The following CPED1 variants were observed in gnomAD, a reference collection of about 807,000 sequenced individuals.
The protein encoded by CPED1 is cadherin like and PC-esterase domain containing 1.
In CPED1, 114 loss-of-function variants were observed where a neutral mutation model predicts 128.2. The observed-to-expected ratio is 0.89, with a 90% CI of 0.76 to 1.04. CPED1 has a LOEUF of 1.04. Ranked by LOEUF, CPED1 falls within the 50% of genes least tolerant of loss-of-function variation. The pLI, the probability that CPED1 is intolerant of heterozygous loss-of-function variation, is 0.00. For synonymous variants in CPED1, 462 were observed against 426.7 expected (o/e 1.08, Z -1.02); for missense variants, 1,211 against 1,207.1 (o/e 1.00, Z -0.05).
chr7:121,101,405 T>C (rs901487767), intron 7 of CPED1, among the ~76,000 whole-genome samples: 2 of 152,194 alleles, frequency 1.3e-5, no homozygotes, highest in African/African-American at 4.8e-5. Flanking sequence ...TTTGTTTTCA[T>C]GATTTCTTGA....
chr7:121,157,334 C>CGG (rs1563049126), intron 16 of CPED1, among the ~76,000 whole-genome samples: 1 of 152,060 alleles, frequency 6.6e-6, no homozygotes, highest in Non-Finnish European at 1.5e-5. Flanking sequence ...AATATAGTGA[C>CGG]GGGGGCAGTC....
At chr7:121,115,938 A>G (rs1347150229) in intron 7 of CPED1, among the ~76,000 whole-genome samples, 1 of 152,214 alleles carries the variant, frequency 6.6e-6, no homozygotes, top group East Asian at 1.9e-4. Flanking sequence ...CTGCTCCTTT[A>G]TATCCCACTG....
chr7:120,993,713 G>T (rs2116732373), intron 2 of CPED1, among the ~76,000 whole-genome samples: 1 of 152,298 alleles, frequency 6.6e-6, no homozygotes, highest in South Asian at 2.1e-4. Flanking sequence ...CAAGAGTGAG[G>T]AAAGAACAGA....
intron 16 of CPED1, among the ~76,000 whole-genome samples, chr7:121,177,910 T>C (rs550212510): frequency 1.1e-4 from 17 of 152,204 alleles, no homozygotes; most frequent in Admixed American, 6.6e-5. Context: ...ATAATCTGGA[T>C]TCTTCCCTAC....
chr7:121,017,034 G>A (rs189051728), intron 3 of CPED1, among the ~76,000 whole-genome samples: 1 of 152,156 alleles, frequency 6.6e-6, no homozygotes. Flanking sequence ...GAAGGTTGGG[G>A]GACTATTTAG....
intron 18 of CPED1, among the ~76,000 whole-genome samples, chr7:121,253,651 T>C (rs1420300745): frequency 6.6e-6 from 1 of 151,926 alleles, no homozygotes; most frequent in Non-Finnish European, 1.5e-5. Flanking sequence ...GGTAAAAAGA[T>C]AAGACTCAAC....
intron 7 of CPED1, among the ~76,000 whole-genome samples, chr7:121,107,374 G>C (rs1209516846): frequency 6.6e-6 from 1 of 152,068 alleles, no homozygotes; most frequent in Non-Finnish European, 1.5e-5. Context: ...CAAAAACCAA[G>C]AGGAAAAATC....
rs1447287592 is a variant in CPED1 at position 121,097,728 on chromosome 7, T to A, written c.646T>A (p.Cys216Ser). The change falls in exon 6 of 23, where the codon TGT (cysteine) becomes AGT (serine). Residue 216 changes from cysteine (C) to serine (S), a missense_variant. Cys to Ser is a moderately radical substitution (Grantham distance 112). Coordinates refer to ENST00000310396, the MANE Select transcript of CPED1 (RefSeq NM_024913.5). ...ELQLPVSPSVCLDQGMQLKPS... is the reference protein window; with the variant it reads ...ELQLPVSPSVSLDQGMQLKPS... ...GCAACTTCCAGTGAGTCCCTCTGTG[T>A]GTCTGGATCAGGGAATGCAATTAAA... The A allele has an allele frequency of 1.9e-5, 31 of 1,613,706 alleles. No individual in the cohort carries two copies. Among genetic ancestry groups the A allele is most frequent in the Non-Finnish European group, 2.5e-5 (30 of 1,179,790 alleles).
chr7:121,109,427 G>A (rs986848315), intron 7 of CPED1, among the ~76,000 whole-genome samples: 2 of 152,088 alleles, frequency 1.3e-5, no homozygotes, highest in Non-Finnish European at 2.9e-5. Flanking sequence ...TTAGAAGCTC[G>A]ATGAAGCAAG....
chr7:121,009,742 G>C (rs1245889681), intron 2 of CPED1, among the ~76,000 whole-genome samples: 2 of 152,134 alleles, frequency 1.3e-5, no homozygotes, highest in African/African-American at 2.4e-5. Flanking sequence ...TATAATTTCA[G>C]GGGAGGGGCT....
chr7:121,144,538 T>C (rs1563044080), intron 16 of CPED1, among the ~76,000 whole-genome samples: 1 of 151,818 alleles, frequency 6.6e-6, no homozygotes, highest in African/African-American at 2.4e-5. Context: ...AGTAGGGCAG[T>C]GGAGAGGCTG....
intron 5 of CPED1, among the ~76,000 whole-genome samples, chr7:121,075,517 G>C (rs1474591493): frequency 6.6e-6 from 1 of 151,956 alleles, no homozygotes; most frequent in Non-Finnish European, 1.5e-5. Flanking sequence ...ACCCAGGCTG[G>C]AGTGCAGTGG....
intron 7 of CPED1, among the ~76,000 whole-genome samples, chr7:121,119,195 ACT>A (rs1432864141): frequency 6.0e-5 from 9 of 150,818 alleles, no homozygotes; most frequent in Middle Eastern, 3.4e-3. Flanking sequence ...AAATTTGCAA[ACT>A]TTTTTTCTAT....
chr7:121,114,708 G>A lies in CPED1; in HGVS notation c.919-9623G>A, dbSNP rs983252851. 4.6e-5 allele frequency among the ~76,000 whole-genome samples: 7 copies of A among 152,162 alleles called. No individual in the cohort carries two copies. In the South Asian group the frequency reaches 1.4e-3, roughly 31 times the overall value. On this transcript the variant is annotated intron_variant, in intron 7 of 22. Transcript: ENST00000310396. ...GTTAGATGACTTGCAATTCCAATTAGTTCACCCATAGTCAAAGGCCTTGGC... is the reference window on the plus strand; with the variant it reads ...GTTAGATGACTTGCAATTCCAATTAATTCACCCATAGTCAAAGGCCTTGGC...
rs955564279 is a variant in CPED1 at position 120,990,010 on chromosome 7, T to C, written c.249+140T>C. On this transcript the variant is annotated intron_variant, in intron 2 of 22. Coordinates refer to ENST00000310396, the MANE Select transcript of CPED1 (RefSeq NM_024913.5). ...GTAAACAGCCTAGAGAGTGACCTGATGACTGGGAAACACGTTACATAAGCT... is the reference window on the plus strand; with the variant it reads ...GTAAACAGCCTAGAGAGTGACCTGACGACTGGGAAACACGTTACATAAGCT... 1.0e-5 allele frequency: 10 copies of C among 976,214 alleles called. No homozygotes were observed. In the African/African-American group the frequency reaches 1.5e-4, roughly 14 times the overall value. 60.5% of individuals were successfully genotyped at this position (976,214 alleles called of 1,614,324 possible). A position where few individuals can be genotyped will look rare whatever the true frequency, so the allele number is the denominator to read the frequency against.
intron 5 of CPED1, among the ~76,000 whole-genome samples, chr7:121,081,161 G>A (rs1390190919): frequency 2.6e-5 from 4 of 152,090 alleles, no homozygotes; most frequent in South Asian, 2.1e-4. Flanking sequence ...TGTCACAGGC[G>A]TCTAGCCTCT....
intron 16 of CPED1, among the ~76,000 whole-genome samples, chr7:121,209,219 A>G (rs930190352): frequency 6.6e-6 from 1 of 152,030 alleles, no homozygotes; most frequent in Non-Finnish European, 1.5e-5. Context: ...CCATCATCGA[A>G]TAAATGGTCT....
chr7:121,030,884 C>G lies in CPED1; in HGVS notation c.433+15036C>G, dbSNP rs111951093. Reference sequence around the variant, plus strand: ...TTAATTAAATGCATTGTTCTATGCACTTTATATGTATTAACTAATCTATTT... The same window carrying G: ...TTAATTAAATGCATTGTTCTATGCAGTTTATATGTATTAACTAATCTATTT... On this transcript the variant is annotated intron_variant, in intron 3 of 22. Transcript: ENST00000310396. Among the ~76,000 whole-genome samples the G allele has an allele frequency of 9.4e-3, 1,427 of 152,230 alleles. 31 individuals carry two copies. Among genetic ancestry groups the G allele is most frequent in the African/African-American group, 0.033 (1,365 of 41,542 alleles).
At chr7:121,183,568 G>C (rs1796941435) in intron 16 of CPED1, among the ~76,000 whole-genome samples, 1 of 152,106 alleles carries the variant, frequency 6.6e-6, no homozygotes, top group African/African-American at 2.4e-5. Context: ...TAATAGACCA[G>C]GTAATAAGCA....
Sources: allele counts gnomAD v4.1 joint callset (sites outside exome capture counted in the v4.1 genomes callset), GRCh38; gene constraint gnomAD v4.1.1; transcripts MANE v1.5; gene names NCBI Gene and HGNC (gene_info 2026-07-23, HGNC 2026-07-21).